Variants in PTPRG observed in about 807,000 individuals in gnomAD.
PTPRG encodes receptor-type tyrosine-protein phosphatase gamma.
A neutral mutation model predicts 165.3 loss-of-function variants in PTPRG; 102 were observed. The ratio of observed to expected loss-of-function variants is 0.62; its 90% CI spans 0.53 to 0.73. The LOEUF is 0.73. Ranked by LOEUF, PTPRG falls within the 30% of genes least tolerant of loss-of-function variation. The pLI, the probability that PTPRG is intolerant of heterozygous loss-of-function variation, is 0.00. For missense variants in PTPRG, 1,866 were observed against 1,861.4 expected, an observed-to-expected ratio of 1.00 and a Z score of -0.05; for synonymous variants, 675 against 669.5, an observed-to-expected ratio of 1.01 and a Z score of -0.13.
Position 62,211,393 on chromosome 3 carries a change from C to G in PTPRG, c.2155+7443C>G, listed in dbSNP as rs549973061. Among the ~76,000 whole-genome samples, 11 of 152,248 alleles carry G rather than the reference C, an allele frequency of 7.2e-5. No individual in the cohort carries two copies. In the East Asian group the frequency reaches 2.1e-3, roughly 29 times the overall value. On this transcript the variant is annotated intron_variant, in intron 12 of 29. Coordinates refer to ENST00000474889, the MANE Select transcript of PTPRG (RefSeq NM_002841.4). ...TAATGGATATAGAGTTTCTGTTTTG[C>G]AAGATGAAAAAGTTCTGGAGATCAG... is the stretch of plus-strand genomic sequence containing the variant.
At chr3:61,937,807 G>T (rs544075208) in intron 2 of PTPRG, among the ~76,000 whole-genome samples, 1 of 152,104 alleles carries the variant, frequency 6.6e-6, no homozygotes, top group Non-Finnish European at 1.5e-5. Context: ...ATTTATTAAC[G>T]TCTTTTGAGT....
At chr3:61,873,058 G>C (rs1403155074) in intron 2 of PTPRG, among the ~76,000 whole-genome samples, 1 of 152,176 alleles carries the variant, frequency 6.6e-6, no homozygotes, top group Non-Finnish European at 1.5e-5. Context: ...CATTGGGCAG[G>C]AGTAAATTGG....
In PTPRG at chr3:62,292,555, T is replaced by C. The variant is rs1448720687; in HGVS notation, c.4190T>C (p.Ile1397Thr). 6.2e-7 allele frequency: 1 copy of C among 1,612,764 alleles called. No homozygotes were observed. Among genetic ancestry groups the C allele is most frequent in the Non-Finnish European group, 8.5e-7 (1 of 1,179,350 alleles). ...ATGAGGCCTGGAGTATTCACAGACA[T>C]TGTAAGTAGTTTGCTTATGTGTAAA... ...NLMRPGVFTD[I>T]EQYQFIYKAM... is the part of the protein sequence containing the mutation. Residue 1397 changes from isoleucine to threonine, a missense_variant and splice_region_variant, in exon 29 of 30, where the codon ATT becomes ACT. Ile to Thr is a moderately conservative substitution (Grantham distance 89). Transcript: ENST00000474889.
At chr3:62,005,641 T>G (rs2041278854) in intron 4 of PTPRG, among the ~76,000 whole-genome samples, 1 of 151,900 alleles carries the variant, frequency 6.6e-6, no homozygotes, top group Non-Finnish European at 1.5e-5. Context: ...ATGGCCAGTT[T>G]CCTCTTTACA....
intron 11 of PTPRG, 83 bp downstream of exon 11, chr3:62,201,637 A>G: frequency 7.3e-7 from 1 of 1,377,728 alleles, no homozygotes; most frequent in Non-Finnish European, 1.0e-6. Context: ...AAGTGGCAGT[A>G]TAATGTTGTT....
intron 1 of PTPRG, among the ~76,000 whole-genome samples, chr3:61,666,697 T>A (rs1323536374): frequency 1.3e-5 from 2 of 152,306 alleles, no homozygotes; most frequent in African/African-American, 4.8e-5. Flanking sequence ...TTTGTTATTA[T>A]CCAAAGGTTA....
rs543182609 is a variant in PTPRG, at chr3:62,187,371, C to T, written c.1034-4098C>T. Among the ~76,000 whole-genome samples, 36 of 152,308 alleles carry T rather than the reference C, an allele frequency of 2.4e-4. No homozygotes were observed. The South Asian group carries it at 7.5e-3, about 32-fold the overall frequency. On this transcript the variant is annotated intron_variant, in intron 8 of 29. Coordinates refer to ENST00000474889, the MANE Select transcript of PTPRG (RefSeq NM_002841.4). ...GCAATCTGGGATCAGCACTGATCCA[C>T]GGGCCGAAACTTACTCCCCACCACC...
At position 61,883,385 on chromosome 3, in the gene PTPRG, G is replaced by A. The variant is rs1475707533; in HGVS notation, c.191-106240G>A. ...GTGGTTCTCCACCTGGGGTCTAACG[G>A]TGCAAAAGTCCTGTCCTCCAGAAAC... On this transcript the variant is annotated intron_variant, in intron 2 of 29. Coordinates refer to ENST00000474889, the MANE Select transcript of PTPRG (RefSeq NM_002841.4). Among the ~76,000 whole-genome samples, 6 of 152,084 alleles carry A rather than the reference G, an allele frequency of 3.9e-5. No homozygotes were observed. In the East Asian group the frequency reaches 1.2e-3, roughly 29 times the overall value.
intron 2 of PTPRG, among the ~76,000 whole-genome samples, chr3:61,810,640 C>T (rs527764314): frequency 6.6e-6 from 1 of 152,282 alleles, no homozygotes; most frequent in East Asian, 1.9e-4. Context: ...TACTCTTGGC[C>T]ACCCAACTCC....
intron 3 of PTPRG, among the ~76,000 whole-genome samples, chr3:62,002,635 C>T (rs1307624634): frequency 6.6e-6 from 1 of 152,120 alleles, no homozygotes; most frequent in Non-Finnish European, 1.5e-5. Context: ...TTGAGGTTCC[C>T]TATGTTGCGG....
intron 1 of PTPRG, among the ~76,000 whole-genome samples, chr3:61,578,313 T>C (rs1016178699): frequency 1.3e-5 from 2 of 152,234 alleles, no homozygotes; most frequent in Non-Finnish European, 2.9e-5. Context: ...CAGACTGATA[T>C]AATCCATTGC....
intron 2 of PTPRG, among the ~76,000 whole-genome samples, chr3:61,783,513 C>A (rs949657350): frequency 6.6e-6 from 1 of 152,018 alleles, no homozygotes; most frequent in Non-Finnish European, 1.5e-5. Flanking sequence ...CTATAGGAAC[C>A]AGCTATAATG....
chr3:61,678,014 G>T (rs760930689), intron 1 of PTPRG, among the ~76,000 whole-genome samples: 1 of 152,196 alleles, frequency 6.6e-6, no homozygotes, highest in South Asian at 2.1e-4. Context: ...ACAACATGCT[G>T]TGTGCAGAAC....
chr3:61,653,899 T>A (rs28667399), intron 1 of PTPRG, among the ~76,000 whole-genome samples: 7 of 146,320 alleles, frequency 4.8e-5, no homozygotes, highest in South Asian at 2.2e-4. Flanking sequence ...CGGGGAGCGG[T>A]GGGGGGCGCG....
At chr3:62,151,397 A>G (rs568030194) in intron 6 of PTPRG, among the ~76,000 whole-genome samples, 2 of 152,320 alleles carry the variant, frequency 1.3e-5, no homozygotes, top group African/African-American at 4.8e-5. Context: ...AAAATGAAAG[A>G]AAGCGTTGGG....
At chr3:61,843,405 C>A (rs1382265509) in intron 2 of PTPRG, among the ~76,000 whole-genome samples, 2 of 151,812 alleles carry the variant, frequency 1.3e-5, no homozygotes, top group Non-Finnish European at 2.9e-5. Context: ...AGAAACAGAC[C>A]CATGTACAAA....
intron 2 of PTPRG, among the ~76,000 whole-genome samples, chr3:61,815,343 G>A (rs762707353): frequency 1.4e-4 from 22 of 152,098 alleles, no homozygotes; most frequent in Non-Finnish European, 2.9e-4. Context: ...CTGGGAGGTG[G>A]AGGTTGCAGT....
At chr3:62,270,087 A>C (rs1559736946) in intron 20 of PTPRG, among the ~76,000 whole-genome samples, 1 of 152,158 alleles carries the variant, frequency 6.6e-6, no homozygotes, top group Non-Finnish European at 1.5e-5. Flanking sequence ...AACTGCAGAT[A>C]AGGAGGAAAT....
At chr3:61,590,221 CAAA>C (rs11348723) in intron 1 of PTPRG, among the ~76,000 whole-genome samples, 6 of 142,520 alleles carry the variant, frequency 4.2e-5, no homozygotes, top group Non-Finnish European at 3.1e-5. Flanking sequence ...TTTCTTTAAT[CAAA>C]AAAAAAAAAA....
Sources: allele counts gnomAD v4.1 joint callset (sites outside exome capture counted in the v4.1 genomes callset), GRCh38; gene constraint gnomAD v4.1.1; transcripts MANE v1.5; gene names NCBI Gene and HGNC (gene_info 2026-07-23, HGNC 2026-07-21).